C12orf76: variants seen among roughly 807,000 people sequenced by gnomAD.
The protein encoded by C12orf76 is chromosome 12 open reading frame 76.
A neutral mutation model predicts 6.8 loss-of-function variants in C12orf76; 6 were observed. The observed-to-expected ratio is 0.88, with a 90% confidence interval of 0.48 to 1.73. The LOEUF (loss-of-function observed/expected upper bound fraction) is 1.73. C12orf76 is among the 40% of genes most tolerant of loss of function. The pLI is 0.01. For synonymous variants in C12orf76, 56 were observed against 43.7 expected (o/e 1.28, Z -1.11); for missense variants, 99 against 98.2 (o/e 1.01, Z -0.03).
chr12:110,065,765 A>G, intron 2 of C12orf76: 1 of 1,607,672 alleles, frequency 6.2e-7, no homozygotes, highest in Non-Finnish European at 8.5e-7. Context: ...ACTTCTCTGC[A>G]TAATACTTTT....
chr12:110,045,401 C>T (rs1470685863), intron 1 of C12orf76, among the ~76,000 whole-genome samples: 4 of 151,808 alleles, frequency 2.6e-5, no homozygotes, highest in South Asian at 2.1e-4. Flanking sequence ...CTCTGGCTAA[C>T]GTGGTGAAAC....
At chr12:110,073,597 T>A (rs1892987503) in exon 1 of C12orf76, 11 of 464,958 alleles carry the variant, frequency 2.4e-5, no homozygotes, top group South Asian at 1.6e-4. Flanking sequence ...CTCTCCCAGA[T>A]GGGGCCACAG....
upstream of C12orf76, chr12:110,050,743 G>T: frequency 2.0e-6 from 1 of 511,770 alleles, no homozygotes. Context: ...CAGCCCTCGG[G>T]GGCTACTCTG....
chr12:110,073,598 G>A, exon 1 of C12orf76: 1 of 462,604 alleles, frequency 2.2e-6, no homozygotes, highest in Non-Finnish European at 4.3e-6. Flanking sequence ...TCTCCCAGAT[G>A]GGGCCACAGC....
At chr12:110,066,386 A>C (rs974847637) in intron 1 of C12orf76, among the ~76,000 whole-genome samples, 4 of 144,176 alleles carry the variant, frequency 2.8e-5, no homozygotes, top group Admixed American at 6.9e-5. Context: ...AAAAAAAAAA[A>C]AAAAAAAAAA....
At chr12:110,063,220 A>G (rs1381671353) in intron 2 of C12orf76, among the ~76,000 whole-genome samples, 1 of 152,040 alleles carries the variant, frequency 6.6e-6, no homozygotes, top group African/African-American at 2.4e-5. Context: ...GGTTACAGGC[A>G]TGAGCCACCA....
rs1892639723 is a variant in C12orf76, at chr12:110,054,657, G to A, written n.664+2532C>T. Among the ~76,000 whole-genome samples, 1 of 152,166 alleles carries A rather than the reference G, an allele frequency of 6.6e-6. No homozygotes were observed. Among genetic ancestry groups the A allele is most frequent in the Admixed American group, 6.5e-5 (1 of 15,278 alleles). On this transcript the variant is annotated intron_variant and non_coding_transcript_variant, in intron 4 of 4. Transcript: ENST00000309050. This position sits in a 1 kb window ranked among gnomAD's most constrained non-coding sequence, Gnocchi z 4.4. ...TTGCACACCTCTCTGAAATGCCACT[G>A]AACTGTTCATGTTTACAGTGGTTAA...
At chr12:110,046,739 T>C (rs1439966368) in intron 1 of C12orf76, among the ~76,000 whole-genome samples, 1 of 152,186 alleles carries the variant, frequency 6.6e-6, no homozygotes, top group East Asian at 1.9e-4. Flanking sequence ...GACTACCCTT[T>C]GAGTAGTACT....
upstream of C12orf76, chr12:110,051,171 T>A (rs774353603): frequency 7.7e-6 from 6 of 779,320 alleles, no homozygotes; most frequent in African/African-American, 1.0e-4. Flanking sequence ...CAAAGCTAAA[T>A]GGCAGGCACA....
chr12:110,061,976 T>C (rs568145581), intron 2 of C12orf76, among the ~76,000 whole-genome samples: 134 of 152,052 alleles, frequency 8.8e-4, no homozygotes, highest in African/African-American at 3.0e-3. Context: ...AATAAGAGGA[T>C]ATTAGGGCCC....
At chr12:110,048,694 G>C (rs1315486443), upstream of C12orf76, 13 of 1,240,642 alleles carry the variant, frequency 1.0e-5, no homozygotes, top group Non-Finnish European at 1.2e-5. Flanking sequence ...TGTTTCCCCC[G>C]GACCAACTTT....
At chr12:110,057,734 C>G (rs559945482) in intron 3 of C12orf76, among the ~76,000 whole-genome samples, 1 of 152,084 alleles carries the variant, frequency 6.6e-6, no homozygotes, top group East Asian at 1.9e-4. Flanking sequence ...GTCAGTCTAA[C>G]AGGGTAAAAA....
chr12:110,052,180 G>A (rs1360160344), upstream of C12orf76, among the ~76,000 whole-genome samples: 13 of 150,618 alleles, frequency 8.6e-5, no homozygotes, highest in Non-Finnish European at 1.8e-4. Context: ...ACAGGCATGA[G>A]CCACCGTGCC....
At chr12:110,065,721 T>G in intron 2 of C12orf76, 8 of 1,450,194 alleles carry the variant, frequency 5.5e-6, no homozygotes, top group South Asian at 1.2e-5. Flanking sequence ...CAGTGGCCCA[T>G]GAGAGCTTCT....
At chr12:110,048,633 G>A (rs1195699613), upstream of C12orf76, 7 of 1,292,592 alleles carry the variant, frequency 5.4e-6, no homozygotes, top group Admixed American at 4.1e-5. Context: ...CCTGGTCTAA[G>A]TTCCGCTTCT....
intron 1 of C12orf76, among the ~76,000 whole-genome samples, chr12:110,066,409 T>G (rs1236301081): frequency 9.7e-5 from 11 of 113,032 alleles, no homozygotes; most frequent in Admixed American, 2.2e-4. Flanking sequence ...AAAAAACGGC[T>G]GGGCGCGGTG....
chr12:110,055,748 A>G (rs1160103583), intron 4 of C12orf76, among the ~76,000 whole-genome samples: 1 of 152,088 alleles, frequency 6.6e-6, no homozygotes, highest in Non-Finnish European at 1.5e-5. Flanking sequence ...AGGAGTGCTG[A>G]TTGGTCAGAG....
Position 110,042,440 on chromosome 12 carries a change from GAA to G in C12orf76, c.151_152del (p.Phe51GlnfsTer30). On this transcript the variant is annotated frameshift_variant, in exon 2 of 2. Transcript: ENST00000615315. LOFTEE classifies it high-confidence loss of function. ...GGATGACAGTCACCAGCAGGATGCT[GAA>G]AATGGTTCCCATCAACACTGCAAAG... Reference protein sequence around the residue: ...GQNLVLMGTIFSILLVTVILM... With the variant: ...GQNLVLMGTIXSILLVTVILM... 6.2e-7 allele frequency: 1 copy of G among 1,613,902 alleles called. No individual in the cohort carries two copies. The highest frequency in any genetic ancestry group is 8.5e-7 in the Non-Finnish European group (1 of 1,179,716).
intron 4 of C12orf76, among the ~76,000 whole-genome samples, chr12:110,055,556 C>A (rs1399774581): frequency 1.3e-5 from 2 of 152,146 alleles, no homozygotes; most frequent in African/African-American, 4.8e-5. Context: ...GTTCACCTTG[C>A]CTGCTGCCTA....
Sources: allele counts gnomAD v4.1 joint callset (sites outside exome capture counted in the v4.1 genomes callset), GRCh38; gene constraint gnomAD v4.1.1; non-coding constraint Gnocchi (gnomAD v3.1); transcripts MANE v1.5; gene names NCBI Gene and HGNC (gene_info 2026-07-23, HGNC 2026-07-21).